The following ENTREP2 variants were observed in gnomAD, a reference collection of about 807,000 sequenced individuals.
The protein encoded by ENTREP2 is protein ENTREP2.
At chr15:29,542,624 T>C in the ENTREP2 span, among the ~76,000 whole-genome samples, 41 of 152,168 alleles carry the variant, frequency 2.7e-4, no homozygotes, top group Non-Finnish European at 4.9e-4. Flanking sequence ...ATTTTTAAGT[T>C]ACGGTTCTAC....
At chr15:29,460,157 C>G in the ENTREP2 span, among the ~76,000 whole-genome samples, 3 of 151,884 alleles carry the variant, frequency 2.0e-5, no homozygotes, top group African/African-American at 7.3e-5. Flanking sequence ...GATGCTGAGG[C>G]AAGAGGATCC....
chr15:29,236,866 T>C, the ENTREP2 span, among the ~76,000 whole-genome samples: 53,869 of 149,330 alleles, frequency 0.36, 10,309 homozygotes, highest in East Asian at 0.6. Flanking sequence ...CAGACAAAGA[T>C]AGTTGAAATA....
At chr15:29,512,899 G>A in the ENTREP2 span, among the ~76,000 whole-genome samples, 1 of 152,132 alleles carries the variant, frequency 6.6e-6, no homozygotes, top group Non-Finnish European at 1.5e-5. Flanking sequence ...CCACCACCAC[G>A]CTCTATAGTT....
chr15:29,163,139 T>G, the ENTREP2 span, among the ~76,000 whole-genome samples: 2 of 152,204 alleles, frequency 1.3e-5, no homozygotes, highest in African/African-American at 4.8e-5. Context: ...GAGCACTCCA[T>G]GGGACAAAAG....
the ENTREP2 span, among the ~76,000 whole-genome samples, chr15:29,463,321 G>C: frequency 7.9e-5 from 12 of 152,040 alleles, no homozygotes; most frequent in African/African-American, 2.4e-4. Context: ...AGTCCCTGGA[G>C]AAAGTATCAG....
At chr15:29,268,428 T>C in the ENTREP2 span, 3,172 of 230,302 alleles carry the variant, frequency 0.014, 109 homozygotes, top group African/African-American at 0.069. Context: ...CTGGGGTAGT[T>C]AGGAGACCTG....
chr15:29,641,662 T>A, the ENTREP2 span, among the ~76,000 whole-genome samples: 1 of 151,610 alleles, frequency 6.6e-6, no homozygotes, highest in Non-Finnish European at 1.5e-5. Context: ...TGAAACCCTG[T>A]CTCTAAAAAA....
the ENTREP2 span, among the ~76,000 whole-genome samples, chr15:29,183,169 T>G: frequency 6.6e-6 from 1 of 152,052 alleles, no homozygotes; most frequent in Admixed American, 6.5e-5. Context: ...CAACTTTGAG[T>G]GATGAGTCAC....
At chr15:29,573,658 CCTCT>C in the ENTREP2 span, among the ~76,000 whole-genome samples, 1,050 of 146,736 alleles carry the variant, frequency 7.2e-3, 11 homozygotes, top group African/African-American at 0.024. Flanking sequence ...TCTCTCTCTC[CCTCT>C]CTCTCTCTCT....
chr15:29,529,953 A>T, the ENTREP2 span, among the ~76,000 whole-genome samples: 1 of 152,138 alleles, frequency 6.6e-6, no homozygotes, highest in Non-Finnish European at 1.5e-5. Context: ...AAATGAAGCT[A>T]CATCTTCTTG....
chr15:29,124,657 T>G, the ENTREP2 span: 1 of 1,545,346 alleles, frequency 6.5e-7, no homozygotes, highest in Non-Finnish European at 8.8e-7. Context: ...GCAGGCGCAG[T>G]CAAAGCGCTT....
the ENTREP2 span, among the ~76,000 whole-genome samples, chr15:29,208,323 T>C: frequency 0.021 from 3,202 of 152,244 alleles, 110 homozygotes; most frequent in African/African-American, 0.073. Context: ...AAAATGTTTA[T>C]GACCAAATAC....
the ENTREP2 span, chr15:29,128,861 T>C: frequency 6.5e-7 from 1 of 1,549,258 alleles, no homozygotes; most frequent in South Asian, 1.2e-5. Context: ...CCTATACTTG[T>C]AACCTACAGT....
the ENTREP2 span, among the ~76,000 whole-genome samples, chr15:29,556,145 T>A: frequency 6.6e-6 from 1 of 152,142 alleles, no homozygotes; most frequent in East Asian, 1.9e-4. Flanking sequence ...TAGCCCCAGC[T>A]ACTTGGGAGA....
At chr15:29,316,193 G>A in the ENTREP2 span, among the ~76,000 whole-genome samples, 28 of 152,182 alleles carry the variant, frequency 1.8e-4, no homozygotes, top group African/African-American at 5.1e-4. Context: ...CCAGTAAAAC[G>A]GGCAGGTGCC....
At chr15:29,657,494 G>GGCCA in the ENTREP2 span, among the ~76,000 whole-genome samples, 3 of 128,590 alleles carry the variant, frequency 2.3e-5, no homozygotes, top group Non-Finnish European at 5.0e-5. Flanking sequence ...GGGGGGGGGG[G>GGCCA]GTGGCCAGCT....
At chr15:29,255,967 C>G in the ENTREP2 span, among the ~76,000 whole-genome samples, 4 of 148,254 alleles carry the variant, frequency 2.7e-5, no homozygotes, top group South Asian at 4.3e-4. Context: ...CGCTACTGCA[C>G]TCCAGCCTGA....
the ENTREP2 span, among the ~76,000 whole-genome samples, chr15:29,406,827 C>T: frequency 1.3e-5 from 2 of 152,102 alleles, no homozygotes; most frequent in East Asian, 3.9e-4. Flanking sequence ...ACTCGCTCTC[C>T]CTCTCCTCCT....
At chr15:29,257,035 AT>A in the ENTREP2 span, among the ~76,000 whole-genome samples, 2 of 147,280 alleles carry the variant, frequency 1.4e-5, no homozygotes, top group African/African-American at 5.0e-5. Flanking sequence ...ATCACAGTTT[AT>A]TTTTTTATTA....
Sources: gnomAD v4.1 joint callset for allele counts (sites outside exome capture counted in the v4.1 genomes callset) on GRCh38, gnomAD v4.1.1 for gene constraint, MANE v1.5 for transcripts, NCBI Gene and HGNC (gene_info 2026-07-23, HGNC 2026-07-21) for gene names.